The following USP18 variants were observed in gnomAD, a reference collection of about 807,000 sequenced individuals.
USP18 encodes the protein ubl carboxyl-terminal hydrolase 18.
USP18 carries 11 observed loss-of-function variants against 48.7 expected under a neutral mutation model. The observed-to-expected ratio is 0.23, with a 90% CI of 0.14 to 0.37. The LOEUF is 0.37. Ranked by LOEUF, USP18 falls within the 10% of genes least tolerant of loss-of-function variation. The pLI is 1.00. For missense variants in USP18, 285 were observed against 436.4 expected, an observed-to-expected ratio of 0.65 and a Z score of 3.09; for synonymous variants, 114 against 163.2, an observed-to-expected ratio of 0.70 and a Z score of 2.30.
rs1602521387 is a variant in USP18 at position 18,157,720 on chromosome 22, C to G, written c.57C>G (p.Ser19=). 5 of 1,614,080 alleles carry G rather than the reference C, an allele frequency of 3.1e-6. No homozygotes were observed. The East Asian group carries it at 1.1e-4, about 36-fold the overall frequency. The change falls in exon 2 of 11, where the codon TCC becomes TCG. Residue 19 remains serine, a synonymous_variant. Coordinates refer to ENST00000215794, the MANE Select transcript of USP18 (RefSeq NM_017414.4). ...TCTGTCAGTCCATCCTGGCTGAGTCCTCGCAGTCCCCGGCAGATCTTGAAG... is the reference window on the plus strand; with the variant it reads ...TCTGTCAGTCCATCCTGGCTGAGTCGTCGCAGTCCCCGGCAGATCTTGAAG... The part of the protein sequence containing the change: ...RQICQSILAE[S]SQSPADLEEK...
At chr22:18,153,129 A>G (rs1369567263) in intron 1 of USP18, among the ~76,000 whole-genome samples, 1 of 152,154 alleles carries the variant, frequency 6.6e-6, no homozygotes, top group Non-Finnish European at 1.5e-5. Flanking sequence ...TCCAACATGA[A>G]TTTAAGAATA....
intron 6 of USP18, among the ~76,000 whole-genome samples, chr22:18,169,597 C>T (rs2123739459): frequency 6.6e-6 from 1 of 152,256 alleles, no homozygotes; most frequent in Non-Finnish European, 1.5e-5. Flanking sequence ...GACACCTGCT[C>T]CTCCCAGGTA....
chr22:18,159,819 G>C (rs898840407), intron 2 of USP18, among the ~76,000 whole-genome samples: 1 of 151,872 alleles, frequency 6.6e-6, no homozygotes, highest in African/African-American at 2.4e-5. Context: ...GGGACTACAG[G>C]CGCCCACCAC....
chr22:18,175,381 A>T (rs1171207340), intron 10 of USP18, among the ~76,000 whole-genome samples: 2 of 151,418 alleles, frequency 1.3e-5, no homozygotes, highest in African/African-American at 4.9e-5. Flanking sequence ...AAAATAATGG[A>T]TTAGGTGAAG....
chr22:18,159,289 C>T (rs1358686685), intron 2 of USP18, among the ~76,000 whole-genome samples: 1 of 152,122 alleles, frequency 6.6e-6, no homozygotes, highest in Non-Finnish European at 1.5e-5. Flanking sequence ...CTCCTGACCT[C>T]AGGTGGTCTT....
At chr22:18,162,678 A>T (rs961320291) in intron 4 of USP18, among the ~76,000 whole-genome samples, 2 of 151,090 alleles carry the variant, frequency 1.3e-5, no homozygotes, top group African/African-American at 2.4e-5. Flanking sequence ...ACCAACAGGG[A>T]TACGTTCTGA....
chr22:18,163,335 CTTTAG>C (rs1033466406), intron 4 of USP18, among the ~76,000 whole-genome samples: 3 of 151,998 alleles, frequency 2.0e-5, no homozygotes, highest in Admixed American at 2.0e-4. Flanking sequence ...ATTTTCTGTA[CTTTAG>C]TTAAGAAAAA....
Position 18,161,169 on chromosome 22 carries a change from A to G in USP18, c.255-621A>G, listed in dbSNP as rs979145610. Among the ~76,000 whole-genome samples, 6 of 151,588 alleles carry G rather than the reference A, an allele frequency of 4.0e-5. No individual in the cohort carries two copies. In the East Asian group the frequency reaches 1.2e-3, roughly 29 times the overall value. On this transcript the variant is annotated intron_variant, in intron 3 of 10. Coordinates refer to ENST00000215794, the MANE Select transcript of USP18 (RefSeq NM_017414.4). ...TAAAAGACAGAGTTGGGACTAGACCAAAGTCGGAGAAGGAGTAAGTCAGTG... is the reference window on the plus strand; with the variant it reads ...TAAAAGACAGAGTTGGGACTAGACCGAAGTCGGAGAAGGAGTAAGTCAGTG...
chr22:18,167,697 CA>C lies in USP18; in HGVS notation c.481-173del, dbSNP rs748332867. ...TGGGTGACAGAGCGAGACTCTGTCT[CA>C]AAAAAAAAAAAAAAAAAAAGAAAAA... On this transcript the variant is annotated intron_variant, in intron 5 of 10. Transcript: ENST00000215794. Among the ~76,000 whole-genome samples the C allele has an allele frequency of 8.0e-3, 759 of 94,334 alleles. 3 individuals are homozygous for C. Among genetic ancestry groups the C allele is most frequent in the African/African-American group, 0.018 (504 of 27,916 alleles). The allele number at this position is 94,334 out of a possible 152,430, so 61.9% of individuals were successfully genotyped here. A position where few individuals can be genotyped will look rare whatever the true frequency, so the allele number is the denominator to read the frequency against.
intron 4 of USP18, 76 bp from the exon 5 acceptor site, chr22:18,167,179 G>A: frequency 4.5e-6 from 7 of 1,561,976 alleles, no homozygotes; most frequent in Non-Finnish European, 6.1e-6. Flanking sequence ...GAGTGTTCAT[G>A]TGTGTCTAAG....
rs867952245 is a variant in USP18, at chr22:18,162,016, G to C, written c.400+81G>C. The C allele has an allele frequency of 8.0e-6, 12 of 1,491,348 alleles. No homozygotes were observed. In the South Asian group the frequency reaches 1.1e-4, roughly 14 times the overall value. 92.4% of individuals were successfully genotyped at this position (1,491,348 alleles called of 1,614,324 possible). ...TAGAGAGTGAAGAGAGGAACTAACGGGCAGTGAAGCAACAAGAAGCAAGTT... is the reference window on the plus strand; with the variant it reads ...TAGAGAGTGAAGAGAGGAACTAACGCGCAGTGAAGCAACAAGAAGCAAGTT... On this transcript the variant is annotated intron_variant, in intron 4 of 10. Transcript: ENST00000215794.
intron 1 of USP18, among the ~76,000 whole-genome samples, chr22:18,154,495 G>A (rs1206747675): frequency 6.6e-6 from 1 of 152,132 alleles, no homozygotes. Flanking sequence ...TGCCCAGGCT[G>A]GAGTGTAGTG....
chr22:18,156,609 G>A (rs1028229470), intron 1 of USP18, among the ~76,000 whole-genome samples: 1 of 151,114 alleles, frequency 6.6e-6, no homozygotes, highest in Non-Finnish European at 1.5e-5. Flanking sequence ...TGAAGCCAGC[G>A]ACACCACGAA....
intron 1 of USP18, among the ~76,000 whole-genome samples, chr22:18,153,279 A>G (rs1451966801): frequency 1.3e-5 from 2 of 152,234 alleles, no homozygotes; most frequent in Admixed American, 1.3e-4. Flanking sequence ...AAATACAAAA[A>G]TTAGCCATGC....
At chr22:18,150,376 G>C (rs1320831144) in intron 1 of USP18, among the ~76,000 whole-genome samples, 154 bp downstream of exon 1, 1 of 152,228 alleles carries the variant, frequency 6.6e-6, no homozygotes, top group Non-Finnish European at 1.5e-5. Flanking sequence ...TTTTGGGCCA[G>C]TGAATTTTTT....
At chr22:18,170,684 A>G in intron 7 of USP18, 69 bp from the exon 8 acceptor site, 2 of 1,581,520 alleles carry the variant, frequency 1.3e-6, no homozygotes, top group East Asian at 2.3e-5. Context: ...ACGCGTTGCT[A>G]GCCCTGACAT....
Position 18,155,185 on chromosome 22 carries a change from G to A in USP18, c.-106-2373G>A, listed in dbSNP as rs180895260. ...GGCCCAGGGCCACTGTAGTTGTCAG[G>A]TAGTGATGTGGGCCAGATCGCCAGT... On this transcript the variant is annotated intron_variant, in intron 1 of 10. Transcript: ENST00000215794. 2.6e-5 allele frequency among the ~76,000 whole-genome samples: 4 copies of A among 152,366 alleles called. No individual in the cohort carries two copies. In the East Asian group the frequency reaches 7.7e-4, roughly 29 times the overall value.
intron 1 of USP18, among the ~76,000 whole-genome samples, chr22:18,156,904 T>A (rs1602520603): frequency 1.3e-5 from 2 of 152,284 alleles, no homozygotes; most frequent in Admixed American, 1.3e-4. Flanking sequence ...TCCACTTACC[T>A]CTTCTTCCCC....
chr22:18,156,316 A>G (rs553878125), intron 1 of USP18, among the ~76,000 whole-genome samples: 1 of 152,208 alleles, frequency 6.6e-6, no homozygotes, highest in Non-Finnish European at 1.5e-5. Context: ...GGGTGGGGCC[A>G]GATAAGAGAA....
Sources: allele counts gnomAD v4.1 joint callset (sites outside exome capture counted in the v4.1 genomes callset), GRCh38; gene constraint gnomAD v4.1.1; transcripts MANE v1.5; gene names NCBI Gene and HGNC (gene_info 2026-07-23, HGNC 2026-07-21).